Variants in BMPR1A observed in about 807,000 individuals in gnomAD.
The protein encoded by BMPR1A is bone morphogenetic protein receptor type 1A.
Under a neutral mutation model 66.0 loss-of-function variants are expected in BMPR1A, and 7 were observed. The observed-to-expected ratio is 0.11, with a 90% CI of 0.06 to 0.20. The LOEUF is 0.20. Among genes scored for constraint, BMPR1A ranks in the 10% least tolerant of loss-of-function variants. The pLI, the probability that BMPR1A is intolerant of heterozygous loss-of-function variation, is 1.00. For synonymous variants in BMPR1A, 200 were observed against 229.7 expected (o/e 0.87, Z 1.17); for missense variants, 408 against 669.1 (o/e 0.61, Z 4.31).
chr10:86,919,130 T>C (rs1843619694), intron 9 of BMPR1A, 42 bp from the exon 10 acceptor site: 1 of 1,608,066 alleles, frequency 6.2e-7, no homozygotes, highest in African/African-American at 1.3e-5. Flanking sequence ...CCCTAGCCTA[T>C]CTCTGATGAT....
intron 2 of BMPR1A, among the ~76,000 whole-genome samples, chr10:86,866,402 T>TTTTTTTTTTC (rs1564707596): frequency 2.7e-4 from 26 of 96,332 alleles, no homozygotes; most frequent in East Asian, 1.2e-3. Context: ...TTTCTTTCTT[T>TTTTTTTTTTC]TTTTTTTTTT....
chr10:86,767,296 T>C (rs190034414), intron 1 of BMPR1A, among the ~76,000 whole-genome samples: 1 of 152,360 alleles, frequency 6.6e-6, no homozygotes, highest in African/African-American at 2.4e-5. Flanking sequence ...TTCGTATTGC[T>C]AACAGTACAC....
At chr10:86,919,520 A>G (rs746035342) in intron 10 of BMPR1A, 51 bp downstream of exon 10, 9 of 1,593,272 alleles carry the variant, frequency 5.6e-6, no homozygotes, top group East Asian at 4.5e-5. Flanking sequence ...TTTCCAAAAG[A>G]TATTTCCCTA....
intron 1 of BMPR1A, among the ~76,000 whole-genome samples, chr10:86,795,765 A>G (rs1841700101): frequency 6.6e-6 from 1 of 152,100 alleles, no homozygotes; most frequent in South Asian, 2.1e-4. Context: ...ACTTTTTTAT[A>G]ATTTAGCATT....
intron 1 of BMPR1A, among the ~76,000 whole-genome samples, chr10:86,774,302 G>T (rs1356506877): frequency 6.6e-6 from 1 of 152,094 alleles, no homozygotes; most frequent in Non-Finnish European, 1.5e-5. Context: ...GGGAGCTTCA[G>T]TGATACTAAA....
chr10:86,932,246 G>A (rs550667655), downstream of BMPR1A: 62 of 152,248 alleles, frequency 4.1e-4, no homozygotes, highest in African/African-American at 1.5e-3. Context: ...AAATACTTCA[G>A]GGATGTTCTA....
At chr10:86,837,072 G>A (rs900684484) in intron 1 of BMPR1A, among the ~76,000 whole-genome samples, 3 of 152,176 alleles carry the variant, frequency 2.0e-5, no homozygotes, top group African/African-American at 4.8e-5. Context: ...TATGTTATTC[G>A]CTATTTTTTA....
chr10:86,845,279 C>T (rs938755470), intron 2 of BMPR1A, among the ~76,000 whole-genome samples: 1 of 152,146 alleles, frequency 6.6e-6, no homozygotes, highest in Non-Finnish European at 1.5e-5. Flanking sequence ...ATCCAGTTCC[C>T]CCTGCGGGCA....
At chr10:86,838,628 T>C (rs1043072832) in intron 1 of BMPR1A, among the ~76,000 whole-genome samples, 1 of 149,114 alleles carries the variant, frequency 6.7e-6, no homozygotes, top group African/African-American at 2.5e-5. Context: ...TAAGATAACA[T>C]AGGAATTTTA....
At chr10:86,871,167 G>A (rs1353443586) in intron 2 of BMPR1A, among the ~76,000 whole-genome samples, 2 of 152,118 alleles carry the variant, frequency 1.3e-5, no homozygotes, top group Non-Finnish European at 2.9e-5. Flanking sequence ...CAACTTAAAG[G>A]TCACTTCTCA....
At chr10:86,782,119 T>TC (rs1841446883) in intron 1 of BMPR1A, among the ~76,000 whole-genome samples, 1 of 152,114 alleles carries the variant, frequency 6.6e-6, no homozygotes, top group African/African-American at 2.4e-5. Flanking sequence ...CGCCTCGGCC[T>TC]CCCAAAGTGC....
At position 86,831,165 on chromosome 10, in the gene BMPR1A, G is replaced by A. The variant is rs1282715719; in HGVS notation, c.-267-7700G>A. On this transcript the variant is annotated intron_variant, in intron 1 of 12. Coordinates refer to ENST00000372037, the MANE Select transcript of BMPR1A (RefSeq NM_004329.3). ...CAATTAAGGTTGTTTTCACTTCTTC[G>A]TCTGCATCAGTACAGCTGCATGTGT... Among the ~76,000 whole-genome samples, 6 of 151,996 alleles carry A rather than the reference G, an allele frequency of 3.9e-5. No homozygotes were observed. In the East Asian group the frequency reaches 1.2e-3, roughly 29 times the overall value.
intron 4 of BMPR1A, among the ~76,000 whole-genome samples, chr10:86,891,441 C>T (rs1843149118): frequency 6.6e-6 from 1 of 152,090 alleles, no homozygotes; most frequent in East Asian, 1.9e-4. Flanking sequence ...GTAGAAGCAG[C>T]ACAATTCCTG....
rs1060504911 is a variant in BMPR1A, at chr10:86,919,407, C to T, written c.1104C>T (p.Ile368=). 6.8e-6 allele frequency: 11 copies of T among 1,613,196 alleles called. No homozygotes were observed. Among genetic ancestry groups the T allele is most frequent in the Non-Finnish European group, 9.3e-6 (11 of 1,179,834 alleles). The part of the protein sequence containing the change: ...IAHRDLKSKN[I]LIKKNGSCCI... ...ATCGAGACCTAAAGAGCAAAAACAT[C>T]CTCATCAAGAAAAATGGGAGTTGCT... The change falls in exon 10 of 13, where the codon ATC becomes ATT. Residue 368 remains isoleucine (I), a synonymous_variant. Coordinates refer to ENST00000372037, the MANE Select transcript of BMPR1A (RefSeq NM_004329.3).
At chr10:86,805,210 A>G (rs1369098584) in intron 1 of BMPR1A, among the ~76,000 whole-genome samples, 1 of 152,202 alleles carries the variant, frequency 6.6e-6, no homozygotes, top group Non-Finnish European at 1.5e-5. Context: ...GAACTTGAAT[A>G]TATGAATTTA....
At chr10:86,827,830 T>C (rs1242612401) in intron 1 of BMPR1A, among the ~76,000 whole-genome samples, 2 of 152,158 alleles carry the variant, frequency 1.3e-5, no homozygotes, top group Non-Finnish European at 2.9e-5. Flanking sequence ...GTATGTCATC[T>C]CTCCCTTCTC....
rs143248687 is a variant in BMPR1A at position 86,876,023 on chromosome 10, C to G, written c.5C>G (p.Pro2Arg). 1 of 1,608,210 alleles carries G rather than the reference C, an allele frequency of 6.2e-7. No individual in the cohort carries two copies. Among genetic ancestry groups the G allele is most frequent in the Non-Finnish European group, 8.5e-7 (1 of 1,175,618 alleles). MPQLYIYIRLLG... is the reference protein window; with the variant it reads MRQLYIYIRLLG... ...AGGAAACATTACAATTGAACAATGC[C>G]TCAGCTATACATTTACATCAGATTA... Residue 2 changes from proline (P) to arginine (R), a missense_variant, in exon 3 of 13, where the codon CCT becomes CGT. Physicochemically the swap from Pro to Arg is moderately radical, Grantham distance 103. Transcript: ENST00000372037.
intron 1 of BMPR1A, among the ~76,000 whole-genome samples, chr10:86,809,939 C>T (rs759800910): frequency 6.5e-4 from 98 of 151,204 alleles, no homozygotes; most frequent in South Asian, 1.9e-3. Flanking sequence ...TAGCACGTAT[C>T]AGTACTTCAT....
intron 9 of BMPR1A, among the ~76,000 whole-genome samples, chr10:86,918,523 T>C (rs1261600301): frequency 6.6e-6 from 1 of 152,254 alleles, no homozygotes; most frequent in Non-Finnish European, 1.5e-5. Flanking sequence ...CACTTTTTGC[T>C]TTGAAATTGA....
Sources: allele counts gnomAD v4.1 joint callset (sites outside exome capture counted in the v4.1 genomes callset), GRCh38; gene constraint gnomAD v4.1.1; transcripts MANE v1.5; gene names NCBI Gene and HGNC (gene_info 2026-07-23, HGNC 2026-07-21).